Variants in CFAP73 observed in about 807,000 individuals in gnomAD.
CFAP73 encodes cilia and flagella associated protein 73.
A neutral mutation model predicts 42.9 loss-of-function variants in CFAP73; 33 were observed. The observed-to-expected ratio is 0.77, with a 90% confidence interval of 0.58 to 1.03. CFAP73 has a LOEUF of 1.03. CFAP73 is among the 50% of genes least tolerant of loss of function. The probability of loss-of-function intolerance (pLI) is 0.00; values close to 1 mark genes in which losing one functional copy is unlikely to be tolerated. For synonymous variants in CFAP73, 162 were observed against 186.8 expected, an observed-to-expected ratio of 0.87 and a Z score of 1.08; for missense variants, 392 against 411.9, an observed-to-expected ratio of 0.95 and a Z score of 0.42.
rs781605282 is a variant in CFAP73 at position 113,158,891 on chromosome 12, G to T, written c.*202G>T. The T allele has an allele frequency of 6.2e-7, 1 of 1,602,738 alleles. No homozygotes were observed. The highest frequency in any genetic ancestry group is 8.5e-7 in the Non-Finnish European group (1 of 1,171,852). On this transcript the variant is annotated 3_prime_UTR_variant, in exon 8 of 8. Coordinates refer to ENST00000335621, the MANE Select transcript of CFAP73 (RefSeq NM_001144872.3). This position sits in a 1 kb window ranked among gnomAD's most constrained non-coding sequence, Gnocchi z 4.9. ...GGTCCTGGTCCTCACATCCTCTTCC[G>T]CATCTTGCCCTTCTTGGAGCGGGCA...
chr12:113,151,811 A>T (rs1250292856), intron 1 of CFAP73, 107 bp from the exon 2 acceptor site: 2 of 681,312 alleles, frequency 2.9e-6, no homozygotes, highest in Non-Finnish European at 4.8e-6. Flanking sequence ...AAAAAAAAAA[A>T]TTAAACAGCC....
rs552504925 is a variant in CFAP73, at chr12:113,157,974, G to T, written c.*11+284G>T. 8.9e-6 allele frequency: 4 copies of T among 447,254 alleles called. No homozygotes were observed. The Admixed American group carries it at 1.4e-4, about 15-fold the overall frequency. The allele number at this position is 447,254 out of a possible 1,614,324, so 27.7% of individuals were successfully genotyped here. On this transcript the variant is annotated intron_variant, in intron 7 of 7. Coordinates refer to ENST00000335621, the MANE Select transcript of CFAP73 (RefSeq NM_001144872.3). ...AGGCCCTCCCTGCCAGGGTGGTTGG[G>T]GCATGAAAAAAAACTCTTTGTCAGG...
In CFAP73 at chr12:113,157,591, G is replaced by A. The variant is rs1262607529; in HGVS notation, c.850-11G>A. The A allele has an allele frequency of 6.4e-6, 10 of 1,551,470 alleles. No individual in the cohort carries two copies. The highest frequency in any genetic ancestry group is 8.7e-6 in the Non-Finnish European group (10 of 1,146,862). ...GGGGCTGGGATGTGACTTCGTGCTG[G>A]GCCCCCCCAGGTGAAGCTGTTCATG... On this transcript the variant is annotated splice_polypyrimidine_tract_variant and intron_variant, in intron 6 of 7. Transcript: ENST00000335621.
chr12:113,155,535 C>A, intron 6 of CFAP73, 117 bp downstream of exon 6: 2 of 1,141,328 alleles, frequency 1.8e-6, no homozygotes, highest in Non-Finnish European at 2.4e-6. Flanking sequence ...CCTCTACGGT[C>A]AGAGCCCTTG....
chr12:113,153,591 TGTTA>T (rs1427152478), intron 4 of CFAP73, among the ~76,000 whole-genome samples, 183 bp downstream of exon 4: 1 of 152,120 alleles, frequency 6.6e-6, no homozygotes, highest in African/African-American at 2.4e-5. Flanking sequence ...TTTTTGTGGT[TGTTA>T]GTTTTGGAGG....
chr12:113,151,849 C>A, intron 1 of CFAP73, 69 bp from the exon 2 acceptor site: 2 of 1,086,912 alleles, frequency 1.8e-6, no homozygotes, highest in South Asian at 1.4e-5. Flanking sequence ...GCACTCCAGA[C>A]ACAGTGGTGA....
chr12:113,158,615 T>G lies in CFAP73; in HGVS notation c.*12-86T>G. 1 of 455,234 alleles carries G rather than the reference T, an allele frequency of 2.2e-6. No homozygotes were observed. Among genetic ancestry groups the G allele is most frequent in the Non-Finnish European group, 3.8e-6 (1 of 260,054 alleles). The allele number at this position is 455,234 out of a possible 1,614,324, so 28.2% of individuals were successfully genotyped here. On this transcript the variant is annotated intron_variant, in intron 7 of 7. Coordinates refer to ENST00000335621, the MANE Select transcript of CFAP73 (RefSeq NM_001144872.3). This position sits in a 1 kb window ranked among gnomAD's most constrained non-coding sequence, Gnocchi z 4.9. Reference sequence around the variant, plus strand: ...ACACATGGAAGCAGCAGCAGCTGAGTTGCCAACTCAAGTCTTGGCCTGCCT... The same window carrying G: ...ACACATGGAAGCAGCAGCAGCTGAGGTGCCAACTCAAGTCTTGGCCTGCCT...
intron 1 of CFAP73, among the ~76,000 whole-genome samples, chr12:113,150,347 C>T (rs1016315778): frequency 2.0e-5 from 3 of 152,064 alleles, no homozygotes; most frequent in African/African-American, 7.2e-5. Context: ...GCTGGGAAAG[C>T]CTTGCTGATT....
At chr12:113,150,640 G>A (rs898864815) in intron 1 of CFAP73, among the ~76,000 whole-genome samples, 4 of 151,956 alleles carry the variant, frequency 2.6e-5, no homozygotes, top group African/African-American at 4.8e-5. Context: ...GGAATATCCC[G>A]TGGCCCCACC....
rs544496348 is a variant in CFAP73, at chr12:113,153,017, A to G, written c.267+130A>G. ...CAAAAGGAAACGGCGGGAAACACACACGCACTGCCTGAAGCAACCGATTAA... is the reference window on the plus strand; with the variant it reads ...CAAAAGGAAACGGCGGGAAACACACGCGCACTGCCTGAAGCAACCGATTAA... On this transcript the variant is annotated intron_variant, in intron 3 of 7. Transcript: ENST00000335621. 1.6e-5 allele frequency: 12 copies of G among 753,574 alleles called. No individual in the cohort carries two copies. In the South Asian group the frequency reaches 2.0e-4, roughly 13 times the overall value. 46.7% of individuals were successfully genotyped at this position (753,574 alleles called of 1,614,324 possible). A position where few individuals can be genotyped will look rare whatever the true frequency, so the allele number is the denominator to read the frequency against.
At chr12:113,150,858 C>T (rs1051555216) in intron 1 of CFAP73, among the ~76,000 whole-genome samples, 1 of 152,122 alleles carries the variant, frequency 6.6e-6, no homozygotes, top group African/African-American at 2.4e-5. Context: ...CTGCAGCCAC[C>T]CTAGCCACAC....
In CFAP73 at chr12:113,158,192, G is replaced by A. The variant is rs779346327; in HGVS notation, c.*11+502G>A. On this transcript the variant is annotated intron_variant, in intron 7 of 7. Coordinates refer to ENST00000335621, the MANE Select transcript of CFAP73 (RefSeq NM_001144872.3). This position sits in a 1 kb window ranked among gnomAD's most constrained non-coding sequence, Gnocchi z 4.9. ...TCTGACCTCCAGGTGTGGAGGGGCC[G>A]CGTTAACCTCTTCATAGCCAGAGGG... is the stretch of plus-strand genomic sequence containing the variant. 7.0e-5 allele frequency: 11 copies of A among 157,932 alleles called. No homozygotes were observed. Among genetic ancestry groups the A allele is most frequent in the Non-Finnish European group, 9.8e-5 (7 of 71,224 alleles). 9.8% of individuals were successfully genotyped at this position (157,932 alleles called of 1,614,324 possible).
chr12:113,159,069 T>A lies in CFAP73; in HGVS notation c.*380T>A, dbSNP rs1201000468. On this transcript the variant is annotated 3_prime_UTR_variant, in exon 8 of 8. Coordinates refer to ENST00000335621, the MANE Select transcript of CFAP73 (RefSeq NM_001144872.3). ...GCTTGGTCTTGAGTTCCGGGCGGAC[T>A]CGGCCTGCAGGGGTGCCTGGGGCGT... 6.8e-6 allele frequency: 11 copies of A among 1,608,316 alleles called. No individual in the cohort carries two copies. Among genetic ancestry groups the A allele is most frequent in the African/African-American group, 1.3e-5 (1 of 74,896 alleles).
rs1044070801 is a variant in CFAP73, at chr12:113,154,113, C to A, written c.469-301C>A. 6.6e-6 allele frequency among the ~76,000 whole-genome samples: 1 copy of A among 151,990 alleles called. No individual in the cohort carries two copies. Among genetic ancestry groups the A allele is most frequent in the Non-Finnish European group, 1.5e-5 (1 of 68,004 alleles). ...CCAGTCTGGGTAACATAGAGTGACA[C>A]CTGTCTCTACAAAAAATTAGTCGGG... On this transcript the variant is annotated intron_variant, in intron 4 of 7. Coordinates refer to ENST00000335621, the MANE Select transcript of CFAP73 (RefSeq NM_001144872.3). The surrounding 1 kb of genome is among the most constrained non-coding windows in gnomAD (Gnocchi z 4.7).
At chr12:113,153,915 C>T (rs1952090501) in intron 4 of CFAP73, among the ~76,000 whole-genome samples, 1 of 152,080 alleles carries the variant, frequency 6.6e-6, no homozygotes, top group South Asian at 2.1e-4. Flanking sequence ...TTGAATCCTC[C>T]CCAAAGTCCA....
rs867232017 is a variant in CFAP73 at position 113,155,542 on chromosome 12, C to T, written c.849+124C>T. 1.6e-5 allele frequency: 17 copies of T among 1,081,452 alleles called. No homozygotes were observed. The Middle Eastern group carries it at 6.5e-4, about 42-fold the overall frequency. The allele number at this position is 1,081,452 out of a possible 1,614,324, so 67.0% of individuals were successfully genotyped here. On this transcript the variant is annotated intron_variant, in intron 6 of 7. Coordinates refer to ENST00000335621, the MANE Select transcript of CFAP73 (RefSeq NM_001144872.3). ...AGCATGGCCCTCTACGGTCAGAGCC[C>T]TTGCCCCAGCCGTGGCTCGATTGTC...
At chr12:113,155,175 G>GAAA in intron 5 of CFAP73, 85 bp from the exon 6 acceptor site, 132 of 1,067,932 alleles carry the variant, frequency 1.2e-4, no homozygotes, top group Non-Finnish European at 1.4e-4. Flanking sequence ...ATCTCAAAAA[G>GAAA]AAAAAAAAAA....
In CFAP73 at chr12:113,154,687, G is replaced by T. The variant is rs1452650327; in HGVS notation, c.690+52G>T. The T allele has an allele frequency of 1.4e-5, 19 of 1,378,268 alleles. No individual in the cohort carries two copies. Among genetic ancestry groups the T allele is most frequent in the Non-Finnish European group, 1.8e-5 (19 of 1,075,074 alleles). 85.4% of individuals were successfully genotyped at this position (1,378,268 alleles called of 1,614,324 possible). A position where few individuals can be genotyped will look rare whatever the true frequency, so the allele number is the denominator to read the frequency against. The stretch of plus-strand genomic sequence containing the variant: ...CTCCGGACCCCAGGCTTCCACAGCC[G>T]GGCGGGGAGGAACGCCAGGGCTGAT... On this transcript the variant is annotated intron_variant, in intron 5 of 7. Coordinates refer to ENST00000335621, the MANE Select transcript of CFAP73 (RefSeq NM_001144872.3). The surrounding 1 kb of genome is among the most constrained non-coding windows in gnomAD (Gnocchi z 4.7).
In CFAP73 at chr12:113,149,773, C is replaced by A; in HGVS notation, c.-85C>A. 1 of 1,414,146 alleles carries A rather than the reference C, an allele frequency of 7.1e-7. No individual in the cohort carries two copies. The highest frequency in any genetic ancestry group is 9.7e-7 in the Non-Finnish European group (1 of 1,027,098). 87.6% of individuals were successfully genotyped at this position (1,414,146 alleles called of 1,614,324 possible). A position where few individuals can be genotyped will look rare whatever the true frequency, so the allele number is the denominator to read the frequency against. On this transcript the variant is annotated 5_prime_UTR_variant, in exon 1 of 8. Transcript: ENST00000335621. ...GGGCCGAGCTGAGCAGGCTTCCACA[C>A]CACGCTCCACAGAACCCCCAGGGTC... is the stretch of plus-strand genomic sequence containing the variant.
Sources: allele counts gnomAD v4.1 joint callset (sites outside exome capture counted in the v4.1 genomes callset), GRCh38; gene constraint gnomAD v4.1.1; non-coding constraint Gnocchi (gnomAD v3.1); transcripts MANE v1.5; gene names NCBI Gene and HGNC (gene_info 2026-07-23, HGNC 2026-07-21).